Variants in NRXN3 observed in about 807,000 individuals in gnomAD.
NRXN3 encodes the protein neurexin 3, also known as neurexin III.
A neutral mutation model predicts 137.6 loss-of-function variants in NRXN3; 32 were observed. The ratio of observed to expected loss-of-function variants is 0.23; its 90% CI spans 0.18 to 0.31. The LOEUF is 0.31. NRXN3 is among the 10% of genes least tolerant of loss of function. The probability of loss-of-function intolerance (pLI) is 1.00; values close to 1 mark genes in which losing one functional copy is unlikely to be tolerated. For missense variants in NRXN3, 1,574 were observed against 2,062.5 expected (o/e 0.76, Z 4.59); for synonymous variants, 798 against 784.5 (o/e 1.02, Z -0.29).
chr14:79,209,874 G>T (rs942039927), intron 15 of NRXN3, among the ~76,000 whole-genome samples: 10 of 152,134 alleles, frequency 6.6e-5, no homozygotes, highest in Non-Finnish European at 1.2e-4. Flanking sequence ...GTACAACACT[G>T]TTAAGAGACA....
At chr14:79,264,563 C>T (rs528604676) in intron 15 of NRXN3, among the ~76,000 whole-genome samples, 24 of 149,788 alleles carry the variant, frequency 1.6e-4, no homozygotes, top group East Asian at 1.6e-3. Context: ...TGTGTGCGCG[C>T]GTGCATGTAT....
chr14:79,583,772 G>A (rs1156414586), intron 16 of NRXN3, among the ~76,000 whole-genome samples: 1 of 152,104 alleles, frequency 6.6e-6, no homozygotes, highest in Non-Finnish European at 1.5e-5. Flanking sequence ...TACATCTTTG[G>A]AATACTGAGA....
intron 15 of NRXN3, among the ~76,000 whole-genome samples, chr14:79,293,318 A>G (rs2083497513): frequency 6.6e-6 from 1 of 152,182 alleles, no homozygotes; most frequent in Non-Finnish European, 1.5e-5. Context: ...TAATGTTCTG[A>G]TGAAGGACTT....
At chr14:79,304,060 G>T (rs1340713154) in intron 15 of NRXN3, among the ~76,000 whole-genome samples, 1 of 152,044 alleles carries the variant, frequency 6.6e-6, no homozygotes, top group Non-Finnish European at 1.5e-5. Flanking sequence ...TCCTACTCAA[G>T]AACTACACAA....
intron 2 of NRXN3, among the ~76,000 whole-genome samples, chr14:78,257,765 G>A (rs2069915567): frequency 6.6e-6 from 1 of 152,286 alleles, no homozygotes; most frequent in East Asian, 1.9e-4. Context: ...TCCACAACCG[G>A]GAACCATTGG....
At chr14:79,824,496 C>T (rs1042019457) in intron 20 of NRXN3, among the ~76,000 whole-genome samples, 2 of 152,038 alleles carry the variant, frequency 1.3e-5, no homozygotes, top group African/African-American at 4.8e-5. Flanking sequence ...TTACCCTTTC[C>T]GTTGTGGAAG....
intron 4 of NRXN3, among the ~76,000 whole-genome samples, chr14:78,322,379 C>T (rs1055072495): frequency 1.5e-4 from 23 of 151,960 alleles, no homozygotes; most frequent in African/African-American, 5.3e-4. Context: ...CATCCTTTGC[C>T]TTGCTCTTGC....
At chr14:79,142,277 G>A (rs944261878) in intron 15 of NRXN3, among the ~76,000 whole-genome samples, 2 of 151,936 alleles carry the variant, frequency 1.3e-5, no homozygotes, top group African/African-American at 4.8e-5. Context: ...AATACAAAAA[G>A]TAGCCAGGTG....
chr14:79,274,935 G>A (rs1391131907), intron 15 of NRXN3, among the ~76,000 whole-genome samples: 1 of 152,096 alleles, frequency 6.6e-6, no homozygotes, highest in African/African-American at 2.4e-5. Context: ...ATTTATACAA[G>A]GATGCCATTG....
chr14:78,948,166 G>A (rs947904745), intron 10 of NRXN3, among the ~76,000 whole-genome samples: 3 of 152,204 alleles, frequency 2.0e-5, no homozygotes, highest in Non-Finnish European at 4.4e-5. Flanking sequence ...GGGAGAGTAA[G>A]CAGTGCAGAA....
intron 4 of NRXN3, among the ~76,000 whole-genome samples, chr14:78,390,686 A>C (rs2090632023): frequency 6.6e-6 from 1 of 152,216 alleles, no homozygotes; most frequent in Non-Finnish European, 1.5e-5. Flanking sequence ...AGGGGGTACC[A>C]ATATATAATG....
intron 16 of NRXN3, among the ~76,000 whole-genome samples, chr14:79,470,030 G>A (rs1445569097): frequency 6.6e-6 from 1 of 152,140 alleles, no homozygotes; most frequent in Non-Finnish European, 1.5e-5. Flanking sequence ...TTTACAATCT[G>A]TAAAAGGTGG....
At chr14:78,858,800 G>C (rs2099064502) in intron 10 of NRXN3, among the ~76,000 whole-genome samples, 1 of 152,114 alleles carries the variant, frequency 6.6e-6, no homozygotes, top group South Asian at 2.1e-4. Context: ...TTTGTTCCTG[G>C]TGGAACCACA....
At chr14:79,522,347 T>G (rs1461605485) in intron 16 of NRXN3, among the ~76,000 whole-genome samples, 1 of 152,132 alleles carries the variant, frequency 6.6e-6, no homozygotes, top group East Asian at 1.9e-4. Context: ...TTAAGAGGGG[T>G]GCACAGGGGT....
intron 1 of NRXN3, among the ~76,000 whole-genome samples, chr14:78,190,989 T>C (rs1245220919): frequency 6.6e-6 from 1 of 152,144 alleles, no homozygotes; most frequent in African/African-American, 2.4e-5. Context: ...CTCTCTTTTA[T>C]ATATGAAAGG....
At chr14:79,229,238 T>A (rs980925457) in intron 15 of NRXN3, among the ~76,000 whole-genome samples, 8 of 152,182 alleles carry the variant, frequency 5.3e-5, no homozygotes, top group African/African-American at 1.9e-4. Context: ...TAAACATAGT[T>A]TATAAGATTT....
chr14:78,766,300 C>A (rs2098708955), intron 8 of NRXN3, among the ~76,000 whole-genome samples: 1 of 152,274 alleles, frequency 6.6e-6, no homozygotes, highest in South Asian at 2.1e-4. Context: ...AAAGTGATTT[C>A]TCTGGCTTAT....
intron 15 of NRXN3, among the ~76,000 whole-genome samples, chr14:79,071,129 T>A (rs1447630635): frequency 7.1e-6 from 1 of 140,172 alleles, no homozygotes; most frequent in Non-Finnish European, 1.5e-5. Context: ...CAAATACCCC[T>A]AAGTATGTTT....
intron 4 of NRXN3, among the ~76,000 whole-genome samples, chr14:78,343,291 T>C (rs1175649815): frequency 6.6e-6 from 1 of 152,168 alleles, no homozygotes; most frequent in Admixed American, 6.5e-5. Flanking sequence ...TATCATAATC[T>C]CACAGTTCTA....
Sources: allele counts gnomAD v4.1 joint callset (sites outside exome capture counted in the v4.1 genomes callset), GRCh38; gene constraint gnomAD v4.1.1; transcripts MANE v1.5; gene names NCBI Gene and HGNC (gene_info 2026-07-23, HGNC 2026-07-21).